HS6ST3: variants seen among roughly 807,000 people sequenced by gnomAD.
The protein encoded by HS6ST3 is heparan sulfate 6-O-sulfotransferase 3, also known as heparan-sulfate 6-O-sulfotransferase 3.
Under a neutral mutation model 36.7 loss-of-function variants are expected in HS6ST3, and 12 were observed. That is an observed-to-expected ratio of 0.33 (90% CI 0.21 to 0.53). HS6ST3 has a LOEUF of 0.53. Among genes scored for constraint, HS6ST3 ranks in the 20% least tolerant of loss-of-function variants. The pLI is 0.95. For synonymous variants in HS6ST3, 240 were observed against 257.5 expected, an observed-to-expected ratio of 0.93 and a Z score of 0.65; for missense variants, 584 against 640.9, an observed-to-expected ratio of 0.91 and a Z score of 0.96.
chr13:96,602,337 C>T (rs1316192871), intron 1 of HS6ST3, among the ~76,000 whole-genome samples: 1 of 152,064 alleles, frequency 6.6e-6, no homozygotes, highest in Non-Finnish European at 1.5e-5. Context: ...GTTATGTTTT[C>T]CTGATTGTTC....
chr13:96,118,661 T>A (rs1007727533), intron 1 of HS6ST3, among the ~76,000 whole-genome samples: 2 of 3,774 alleles, frequency 5.3e-4, no homozygotes, highest in African/African-American at 1.1e-3. Flanking sequence ...TATATATATA[T>A]ATATATATAT....
intron 1 of HS6ST3, among the ~76,000 whole-genome samples, chr13:96,258,317 A>G (rs954975290): frequency 5.9e-5 from 9 of 152,322 alleles, no homozygotes; most frequent in Admixed American, 2.0e-4. Flanking sequence ...GAGCAAGGTC[A>G]TCTTATTGTC....
intron 1 of HS6ST3, among the ~76,000 whole-genome samples, chr13:96,752,101 A>G (rs1876715157): frequency 6.6e-6 from 1 of 152,006 alleles, no homozygotes; most frequent in South Asian, 2.1e-4. Context: ...TTAAAAATGC[A>G]TATGTTTCCT....
chr13:96,290,283 C>G (rs2054823238), intron 1 of HS6ST3, among the ~76,000 whole-genome samples: 1 of 152,090 alleles, frequency 6.6e-6, no homozygotes, highest in Non-Finnish European at 1.5e-5. Context: ...CTGACTCATC[C>G]AGGGTTCTTG....
intron 1 of HS6ST3, among the ~76,000 whole-genome samples, chr13:96,109,913 ATTTTCTT>A (rs1444722504): frequency 3.9e-5 from 6 of 152,028 alleles, no homozygotes; most frequent in African/African-American, 1.4e-4. Flanking sequence ...TGAATCAGAT[ATTTTCTT>A]TTTTCTCAAT....
At chr13:96,372,112 G>A (rs1198044778) in intron 1 of HS6ST3, among the ~76,000 whole-genome samples, 1 of 152,078 alleles carries the variant, frequency 6.6e-6, no homozygotes, top group East Asian at 1.9e-4. Flanking sequence ...CAATATATAA[G>A]GGTTACCTTT....
At chr13:96,532,266 C>T (rs2056138597) in intron 1 of HS6ST3, among the ~76,000 whole-genome samples, 2 of 152,206 alleles carry the variant, frequency 1.3e-5, no homozygotes, top group Non-Finnish European at 2.9e-5. Context: ...TCCATGTATA[C>T]ATTATTCTGT....
chr13:96,387,609 A>G (rs1162275655), intron 1 of HS6ST3, among the ~76,000 whole-genome samples: 2 of 152,210 alleles, frequency 1.3e-5, no homozygotes, highest in Non-Finnish European at 2.9e-5. Context: ...TGTTTTATAA[A>G]GAGCTTTTAA....
chr13:96,251,581 A>C (rs1365052037), intron 1 of HS6ST3, among the ~76,000 whole-genome samples: 1 of 151,526 alleles, frequency 6.6e-6, no homozygotes, highest in Non-Finnish European at 1.5e-5. Context: ...TTCTGCTCTA[A>C]TCTTTATTGT....
intron 1 of HS6ST3, among the ~76,000 whole-genome samples, chr13:96,346,467 T>C (rs1260414697): frequency 6.6e-6 from 1 of 151,142 alleles, no homozygotes; most frequent in South Asian, 2.1e-4. Context: ...CTAGCTACAT[T>C]GGGAGGCTGA....
intron 1 of HS6ST3, among the ~76,000 whole-genome samples, chr13:96,460,033 T>G (rs2055776144): frequency 6.6e-6 from 1 of 152,186 alleles, no homozygotes; most frequent in Non-Finnish European, 1.5e-5. Flanking sequence ...GTAGCTAAAT[T>G]TGCTATATTG....
chr13:96,218,912 A>G (rs916662039), intron 1 of HS6ST3, among the ~76,000 whole-genome samples: 4 of 152,208 alleles, frequency 2.6e-5, no homozygotes, highest in African/African-American at 9.6e-5. Context: ...TTTTCAGTTA[A>G]GAACCTAGAG....
Position 96,604,272 on chromosome 13 carries a change from A to G in HS6ST3, c.708-228218A>G, listed in dbSNP as rs577561802. Among the ~76,000 whole-genome samples the G allele has an allele frequency of 1.1e-4, 16 of 152,324 alleles. No homozygotes were observed. The South Asian group carries it at 2.1e-3, about 20-fold the overall frequency. ...ATTTTTTCACACTGTAGAATAATCC[A>G]TCATTTTTACTGAGTGGAAACAATT... On this transcript the variant is annotated intron_variant, in intron 1 of 1. Transcript: ENST00000376705.
chr13:96,350,867 A>C (rs1442965742), intron 1 of HS6ST3, among the ~76,000 whole-genome samples: 1 of 152,328 alleles, frequency 6.6e-6, no homozygotes, highest in Admixed American at 6.5e-5. Context: ...CCAGGTCTCA[A>C]AAATGCTCCC....
At chr13:96,829,501 G>T (rs561444890) in intron 1 of HS6ST3, among the ~76,000 whole-genome samples, 128 of 151,878 alleles carry the variant, frequency 8.4e-4, no homozygotes, top group African/African-American at 2.9e-3. Flanking sequence ...CTTCTGATAG[G>T]CCCCAGTGTC....
chr13:96,674,521 C>T (rs924222637), intron 1 of HS6ST3, among the ~76,000 whole-genome samples: 5 of 152,076 alleles, frequency 3.3e-5, no homozygotes, highest in Non-Finnish European at 7.4e-5. Context: ...GCTACTAGCA[C>T]TCTGGGAACA....
At chr13:96,252,791 A>G (rs1432835891) in intron 1 of HS6ST3, among the ~76,000 whole-genome samples, 1 of 151,802 alleles carries the variant, frequency 6.6e-6, no homozygotes, top group Non-Finnish European at 1.5e-5. Flanking sequence ...TTTTTGCAAG[A>G]TCTGGTTGTT....
intron 1 of HS6ST3, among the ~76,000 whole-genome samples, chr13:96,412,456 G>T (rs1352010645): frequency 6.6e-6 from 1 of 152,150 alleles, no homozygotes; most frequent in African/African-American, 2.4e-5. Flanking sequence ...AAGAGGATGG[G>T]ATGATATAAT....
At position 96,380,146 on chromosome 13, in the gene HS6ST3, G is replaced by A. The variant is rs548295472; in HGVS notation, c.707+288577G>A. Among the ~76,000 whole-genome samples the A allele has an allele frequency of 1.4e-4, 21 of 152,164 alleles. 2 individuals are homozygous for A. Among genetic ancestry groups the A allele is most frequent in the African/African-American group, 5.1e-4 (21 of 41,526 alleles). On this transcript the variant is annotated intron_variant, in intron 1 of 1. Transcript: ENST00000376705. ...AGCTCTCTGCTTCATAGAACATTCT[G>A]TTTCAGTGTTGGTGGTGAACAGTTT...
Sources: allele counts gnomAD v4.1 joint callset (sites outside exome capture counted in the v4.1 genomes callset), GRCh38; gene constraint gnomAD v4.1.1; transcripts MANE v1.5; gene names NCBI Gene and HGNC (gene_info 2026-07-23, HGNC 2026-07-21).